XXYLT1: variants seen among roughly 807,000 people sequenced by gnomAD.
XXYLT1 encodes the protein xyloside xylosyltransferase 1.
XXYLT1 carries 20 observed loss-of-function variants against 28.9 expected under a neutral mutation model. That is an observed-to-expected ratio of 0.69 (90% confidence interval 0.49 to 1.00). The LOEUF (loss-of-function observed/expected upper bound fraction) is 1.00. XXYLT1 is among the 50% of genes least tolerant of loss of function. The pLI is 0.00. For missense variants in XXYLT1, 542 were observed against 560.1 expected, an observed-to-expected ratio of 0.97 and a Z score of 0.33; for synonymous variants, 257 against 253.8, an observed-to-expected ratio of 1.01 and a Z score of -0.12.
rs777864410 is a variant in XXYLT1 at position 195,270,776 on chromosome 3, C to T, written c.283G>A (p.Gly95Arg). The T allele has an allele frequency of 5.1e-6, 8 of 1,572,948 alleles. No homozygotes were observed. The highest frequency in any genetic ancestry group is 5.2e-6 in the Non-Finnish European group (6 of 1,164,774). ...KAKSLEGGGA[G>R]PVDYHLLMMF... ...ATCAGCAGGTGGTAGTCCACCGGCC[C>T]GGCACCGCCGCCCTCCAAGCTCTTG... Residue 95 changes from glycine to arginine, a missense_variant, in exon 1 of 4, where the codon GGG becomes AGG. Coordinates refer to ENST00000310380, the MANE Select transcript of XXYLT1 (RefSeq NM_152531.5).
At chr3:195,117,408 G>T (rs908024194) in intron 3 of XXYLT1, among the ~76,000 whole-genome samples, 2 of 152,208 alleles carry the variant, frequency 1.3e-5, no homozygotes, top group African/African-American at 2.4e-5. Flanking sequence ...ATTTTTCTAT[G>T]AAGTACTGAT....
chr3:195,247,710 C>T, intron 1 of XXYLT1: 1 of 680,034 alleles, frequency 1.5e-6, no homozygotes, highest in Middle Eastern at 3.0e-4. Flanking sequence ...TGTTCTCACA[C>T]TGCTGTAAAG....
chr3:195,077,381 G>A lies in XXYLT1; in HGVS notation c.786-7270C>T, dbSNP rs767603741. Among the ~76,000 whole-genome samples the A allele has an allele frequency of 6.6e-6, 1 of 152,198 alleles. No homozygotes were observed. The highest frequency in any genetic ancestry group is 6.5e-5 in the Admixed American group (1 of 15,290). ...CCACTGGGCTGGTCCGGGACTCTGCGCTGACCCTGCCCAGCAGCGTGCCCT... is the reference window on the plus strand; with the variant it reads ...CCACTGGGCTGGTCCGGGACTCTGCACTGACCCTGCCCAGCAGCGTGCCCT... On this transcript the variant is annotated intron_variant, in intron 3 of 3. Transcript: ENST00000310380. The surrounding 1 kb of genome is among the most constrained non-coding windows in gnomAD (Gnocchi z 4.8).
chr3:195,170,284 T>C (rs566115224), intron 2 of XXYLT1, among the ~76,000 whole-genome samples: 10 of 152,354 alleles, frequency 6.6e-5, no homozygotes, highest in African/African-American at 1.9e-4. Flanking sequence ...TGGACATATA[T>C]TGCTTTTGAA....
chr3:195,126,896 A>C (rs1351643693), intron 3 of XXYLT1, among the ~76,000 whole-genome samples: 2 of 152,214 alleles, frequency 1.3e-5, no homozygotes, highest in East Asian at 1.9e-4. Flanking sequence ...GTTGCGATGC[A>C]GTTATGGTGT....
chr3:195,227,773 G>A (rs961225872), intron 1 of XXYLT1, among the ~76,000 whole-genome samples: 1 of 152,094 alleles, frequency 6.6e-6, no homozygotes, highest in African/African-American at 2.4e-5. Context: ...CACCATAAAC[G>A]CATCCTCATT....
In XXYLT1 at chr3:195,073,488, C is replaced by G. The variant is rs368454945; in HGVS notation, c.786-3377G>C. Among the ~76,000 whole-genome samples the G allele has an allele frequency of 1.2e-3, 190 of 152,278 alleles. 4 individuals carry two copies. The South Asian group carries it at 0.038, about 30-fold the overall frequency. On this transcript the variant is annotated intron_variant, in intron 3 of 3. Coordinates refer to ENST00000310380, the MANE Select transcript of XXYLT1 (RefSeq NM_152531.5). ...GTTTCTCTGACTAACCCCTCCCCCC[C>G]TCATGCCCACAACCCAGCCACTTTG... is the stretch of plus-strand genomic sequence containing the variant.
chr3:195,210,393 A>G lies in XXYLT1; in HGVS notation c.652+16316T>C, dbSNP rs1174085926. Reference sequence around the variant, plus strand: ...GCTGTCGTGCCCCAGTGCCCTGAACACAGTGGGCAGGAGGACGGACTCCTC... The same window carrying G: ...GCTGTCGTGCCCCAGTGCCCTGAACGCAGTGGGCAGGAGGACGGACTCCTC... On this transcript the variant is annotated intron_variant, in intron 2 of 3. Coordinates refer to ENST00000310380, the MANE Select transcript of XXYLT1 (RefSeq NM_152531.5). The surrounding 1 kb of genome is among the most constrained non-coding windows in gnomAD (Gnocchi z 4.8). Among the ~76,000 whole-genome samples, 5 of 152,238 alleles carry G rather than the reference A, an allele frequency of 3.3e-5. No homozygotes were observed. Among genetic ancestry groups the G allele is most frequent in the Non-Finnish European group, 5.9e-5 (4 of 68,044 alleles).
chr3:195,196,867 CT>C (rs1359582177), intron 2 of XXYLT1, among the ~76,000 whole-genome samples: 2 of 149,644 alleles, frequency 1.3e-5, no homozygotes, highest in African/African-American at 5.1e-5. Flanking sequence ...TTGTCACTTC[CT>C]TTAAAAAAAA....
intron 3 of XXYLT1, among the ~76,000 whole-genome samples, chr3:195,086,244 A>G (rs1380047856): frequency 6.6e-6 from 1 of 152,106 alleles, no homozygotes; most frequent in Non-Finnish European, 1.5e-5. Context: ...CCACAAAACA[A>G]TCTGTCCTTC....
chr3:195,084,371 C>T (rs967913093), intron 3 of XXYLT1, among the ~76,000 whole-genome samples: 3 of 151,892 alleles, frequency 2.0e-5, no homozygotes, highest in African/African-American at 7.3e-5. Context: ...GGGCCCTGGC[C>T]CTAGACCCAA....
intron 2 of XXYLT1, among the ~76,000 whole-genome samples, chr3:195,222,794 T>C (rs986088234): frequency 6.6e-6 from 1 of 152,188 alleles, no homozygotes; most frequent in African/African-American, 2.4e-5. Flanking sequence ...ATTTCTTTCA[T>C]GGGGGTTGAA....
chr3:195,174,486 A>C (rs1721560324), intron 2 of XXYLT1, among the ~76,000 whole-genome samples: 1 of 151,998 alleles, frequency 6.6e-6, no homozygotes, highest in Non-Finnish European at 1.5e-5. Context: ...CCACAGGTGC[A>C]CACCACTACA....
chr3:195,194,693 G>A (rs987048438), intron 2 of XXYLT1, among the ~76,000 whole-genome samples: 1 of 152,150 alleles, frequency 6.6e-6, no homozygotes, highest in African/African-American at 2.4e-5. Flanking sequence ...CAAAACGTGG[G>A]ACAGCCACAC....
chr3:195,073,657 G>A (rs1032980773), intron 3 of XXYLT1, among the ~76,000 whole-genome samples: 4 of 152,150 alleles, frequency 2.6e-5, no homozygotes, highest in Non-Finnish European at 4.4e-5. Flanking sequence ...AAGCCCCCAC[G>A]CAGACAGTCC....
rs1452534079 is a variant in XXYLT1 at position 195,156,533 on chromosome 3, TTGG to T, written c.698_700del (p.Thr233del). 6.2e-7 allele frequency: 1 copy of T among 1,614,216 alleles called. No homozygotes were observed. The highest frequency in any genetic ancestry group is 2.2e-5 in the East Asian group (1 of 44,884). On this transcript the variant is annotated inframe_deletion, in exon 3 of 4. Transcript: ENST00000310380. The stretch of plus-strand genomic sequence containing the variant: ...AAATTCCTCAAACAACTCCCGGATG[TTGG>T]TCTTAAACTTCAGGTCTAGGTCCAG...
chr3:195,214,243 G>T (rs781249184), intron 2 of XXYLT1, among the ~76,000 whole-genome samples: 1 of 152,042 alleles, frequency 6.6e-6, no homozygotes, highest in Non-Finnish European at 1.5e-5. Flanking sequence ...AAGAAGGAAA[G>T]CCCCCTCTGT....
At chr3:195,106,251 TGTC>T (rs1256803190) in intron 3 of XXYLT1, among the ~76,000 whole-genome samples, 2 of 149,288 alleles carry the variant, frequency 1.3e-5, no homozygotes, top group East Asian at 3.9e-4. Context: ...TGCTGTGCTG[TGTC>T]GTTTTTGATG....
chr3:195,111,898 T>G (rs891652644), intron 3 of XXYLT1, among the ~76,000 whole-genome samples: 4 of 152,180 alleles, frequency 2.6e-5, no homozygotes, highest in Non-Finnish European at 5.9e-5. Flanking sequence ...ACAAGATCAT[T>G]TGCTCGCCCC....
Sources: allele counts gnomAD v4.1 joint callset (sites outside exome capture counted in the v4.1 genomes callset), GRCh38; gene constraint gnomAD v4.1.1; non-coding constraint Gnocchi (gnomAD v3.1); transcripts MANE v1.5; gene names NCBI Gene and HGNC (gene_info 2026-07-23, HGNC 2026-07-21).